The following COL28A1 variants were observed in gnomAD, a reference collection of about 807,000 sequenced individuals.
COL28A1 encodes the protein collagen alpha-1(XXVIII) chain.
Under a neutral mutation model 150.2 loss-of-function variants are expected in COL28A1, and 161 were observed. That is an observed-to-expected ratio of 1.07 (90% CI 0.94 to 1.22). The LOEUF (loss-of-function observed/expected upper bound fraction) is 1.22. COL28A1 is among the 50% of genes most tolerant of loss of function. COL28A1 has a pLI of 0.00. For missense variants in COL28A1, 1,617 were observed against 1,388.3 expected (o/e 1.16, Z -2.62); for synonymous variants, 552 against 469.7 (o/e 1.18, Z -2.26).
the COL28A1 span, among the ~76,000 whole-genome samples, chr7:7,342,745 T>C: frequency 2.0e-5 from 3 of 152,094 alleles, no homozygotes; most frequent in Admixed American, 1.3e-4. Context: ...ACCATTGTTT[T>C]GCATTTTAAT....
At chr7:7,539,220 C>T (rs2115285661), upstream of COL28A1, among the ~76,000 whole-genome samples, 1 of 152,310 alleles carries the variant, frequency 6.6e-6, no homozygotes, top group Admixed American at 6.5e-5. Context: ...TACAATTCTG[C>T]AGTCTATGCA....
At chr7:7,362,834 A>G (rs1192109908) in intron 33 of COL28A1, among the ~76,000 whole-genome samples, 2 of 152,276 alleles carry the variant, frequency 1.3e-5, no homozygotes, top group East Asian at 3.9e-4. Context: ...ATTTAAAGCT[A>G]GAGGAAAACT....
chr7:7,485,603 A>G (rs1779584664), intron 13 of COL28A1, among the ~76,000 whole-genome samples: 2 of 152,190 alleles, frequency 1.3e-5, no homozygotes, highest in African/African-American at 2.4e-5. Context: ...TACATTTTAT[A>G]TTTAAATCTA....
chr7:7,493,413 C>T (rs1034317575), intron 11 of COL28A1, among the ~76,000 whole-genome samples: 1 of 152,086 alleles, frequency 6.6e-6, no homozygotes, highest in Admixed American at 6.6e-5. Context: ...AGCTCTCTTA[C>T]CTTGAGCCCA....
In COL28A1 at chr7:7,531,723, G is replaced by C; in HGVS notation, c.306C>G (p.Val102=). 6.2e-7 allele frequency: 1 copy of C among 1,606,128 alleles called. No homozygotes were observed. The highest frequency in any genetic ancestry group is 8.5e-7 in the Non-Finnish European group (1 of 1,172,680). Reference sequence around the variant, plus strand: ...AGGAAGAAAAAGGTGGATCAATTTGGACAGAGCTGCTAAACTGAAGGGCTG... The same window carrying C: ...AGGAAGAAAAAGGTGGATCAATTTGCACAGAGCTGCTAAACTGAAGGGCTG... ...KLAALQFSSS[V]QIDPPFSSWK... Residue 102 remains valine (V), a synonymous_variant, in exon 3 of 35, where the codon GTC becomes GTG. Transcript: ENST00000399429.
intron 3 of COL28A1, among the ~76,000 whole-genome samples, chr7:7,526,490 G>A (rs970876313): frequency 6.6e-6 from 1 of 152,112 alleles, no homozygotes; most frequent in Non-Finnish European, 1.5e-5. Context: ...GAGAAAGAGA[G>A]AGAAAAGAAA....
At chr7:7,417,962 G>T (rs767572816) in intron 26 of COL28A1, 35 bp from the exon 27 acceptor site, 3 of 1,553,602 alleles carry the variant, frequency 1.9e-6, no homozygotes, top group Non-Finnish European at 8.8e-7. Context: ...AAGACAAAAT[G>T]TAAGAAGATC....
chr7:7,533,139 C>A (rs1782462051), intron 1 of COL28A1, among the ~76,000 whole-genome samples: 1 of 152,038 alleles, frequency 6.6e-6, no homozygotes, highest in East Asian at 1.9e-4. Flanking sequence ...ATTCAAAGAA[C>A]TATATTTAAG....
intron 13 of COL28A1, among the ~76,000 whole-genome samples, chr7:7,480,286 C>T (rs1002624065): frequency 6.6e-6 from 1 of 152,236 alleles, no homozygotes. Context: ...TTTATGCATA[C>T]TGATTTTGTA....
At position 7,447,871 on chromosome 7, in the gene COL28A1, A is replaced by G. The variant is rs577416253; in HGVS notation, c.1510-3382T>C. Reference sequence around the variant, plus strand: ...GTGAAATAACCTGAAACATCCAAATAGCCAGGCCAACATTACTAAAGCCCA... The same window carrying G: ...GTGAAATAACCTGAAACATCCAAATGGCCAGGCCAACATTACTAAAGCCCA... On this transcript the variant is annotated intron_variant, in intron 18 of 34. Coordinates refer to ENST00000399429, the MANE Select transcript of COL28A1 (RefSeq NM_001037763.3). Among the ~76,000 whole-genome samples the G allele has an allele frequency of 3.9e-5, 6 of 152,278 alleles. No individual in the cohort carries two copies. The East Asian group carries it at 7.7e-4, about 20-fold the overall frequency.
intron 27 of COL28A1, among the ~76,000 whole-genome samples, chr7:7,414,472 G>C (rs144663825): frequency 6.6e-5 from 10 of 152,330 alleles, no homozygotes; most frequent in African/African-American, 2.2e-4. Flanking sequence ...GAGCCAGTTG[G>C]GCCAGCAGAG....
chr7:7,491,518 C>T (rs6948300), intron 11 of COL28A1, among the ~76,000 whole-genome samples: 17,256 of 152,244 alleles, frequency 0.11, 1,040 homozygotes, highest in Middle Eastern at 0.22. Flanking sequence ...CAAGAGTTCT[C>T]ATGATTTAAG....
At position 7,531,872 on chromosome 7, in the gene COL28A1, C is replaced by T. The variant is rs754478910; in HGVS notation, c.157G>A (p.Val53Met). ...ATTTTAGAACTTTCAGAGCTGTCCA[C>T]GATGAAGACAATATCTATGAAACAA... is the stretch of plus-strand genomic sequence containing the variant. ...SICFIDIVFI[V>M]DSSESSKIAL... Residue 53 changes from valine to methionine, a missense_variant, in exon 3 of 35, where the codon GTG (valine) becomes ATG (methionine). Physicochemically the swap from Val to Met is conservative, Grantham distance 21 (BLOSUM62 1). Coordinates refer to ENST00000399429, the MANE Select transcript of COL28A1 (RefSeq NM_001037763.3). 9.3e-6 allele frequency: 15 copies of T among 1,607,742 alleles called. No individual in the cohort carries two copies. The highest frequency in any genetic ancestry group is 3.3e-5 in the Admixed American group (2 of 59,930).
Position 7,372,398 on chromosome 7 carries a change from AAAATAAATAAAT to A in COL28A1, c.2908+588_2908+599del, listed in dbSNP as rs3067784. Among the ~76,000 whole-genome samples, 391 of 133,706 alleles carry A rather than the reference AAAATAAATAAAT, an allele frequency of 2.9e-3. 1 individual carries two copies. The highest frequency in any genetic ancestry group is 7.4e-3 in the Middle Eastern group (2 of 272). The allele number at this position is 133,706 out of a possible 152,430, so 87.7% of individuals were successfully genotyped here. On this transcript the variant is annotated intron_variant, in intron 32 of 34. Coordinates refer to ENST00000399429, the MANE Select transcript of COL28A1 (RefSeq NM_001037763.3). ...TGGTGACAGAGTGAGACTCCGTCTC[AAAATAAATAAAT>A]AAATAAATAAATAAATAAATAAATA...
intron 8 of COL28A1, chr7:7,511,907 T>G (rs1781161929): frequency 2.5e-6 from 1 of 408,134 alleles, no homozygotes; most frequent in African/African-American, 2.1e-5. Context: ...CATAAATATT[T>G]TATCTTAGTT....
intron 27 of COL28A1, among the ~76,000 whole-genome samples, chr7:7,401,387 C>T (rs181553575): frequency 6.6e-6 from 1 of 152,280 alleles, no homozygotes; most frequent in East Asian, 1.9e-4. Context: ...GACCTCTCCC[C>T]TGAACTCCAG....
At chr7:7,481,796 T>C (rs1253725015) in intron 13 of COL28A1, among the ~76,000 whole-genome samples, 1 of 152,216 alleles carries the variant, frequency 6.6e-6, no homozygotes, top group African/African-American at 2.4e-5. Flanking sequence ...AATATGCTAA[T>C]AATAATAGTA....
intron 2 of COL28A1, 141 bp downstream of exon 2, chr7:7,532,611 C>A: frequency 9.2e-7 from 1 of 1,087,796 alleles, no homozygotes; most frequent in Non-Finnish European, 1.3e-6. Context: ...GGTATATTAT[C>A]ATCATATAAT....
At chr7:7,359,641 T>C (rs748534046) in intron 34 of COL28A1, among the ~76,000 whole-genome samples, 8 of 152,280 alleles carry the variant, frequency 5.3e-5, no homozygotes, top group Admixed American at 2.0e-4. Context: ...CTGGGACTTA[T>C]ATGTGATAAA....
Sources: gnomAD v4.1 joint callset for allele counts (sites outside exome capture counted in the v4.1 genomes callset) on GRCh38, gnomAD v4.1.1 for gene constraint, MANE v1.5 for transcripts, NCBI Gene and HGNC (gene_info 2026-07-23, HGNC 2026-07-21) for gene names.